SORCS3: variants seen among roughly 807,000 people sequenced by gnomAD.
The protein encoded by SORCS3 is sortilin related VPS10 domain containing receptor 3, also known as VPS10 domain-containing receptor SorCS3.
A neutral mutation model predicts 146.3 loss-of-function variants in SORCS3; 57 were observed. The ratio of observed to expected loss-of-function variants is 0.39; its 90% CI spans 0.31 to 0.49. SORCS3 has a LOEUF of 0.49. Ranked by LOEUF, SORCS3 falls within the 20% of genes least tolerant of loss-of-function variation. The probability of loss-of-function intolerance (pLI) is 0.92; values close to 1 mark genes in which losing one functional copy is unlikely to be tolerated. For missense variants in SORCS3, 1,341 were observed against 1,575.5 expected (o/e 0.85, Z 2.52); for synonymous variants, 653 against 618.5 (o/e 1.06, Z -0.83).
chr10:105,243,381 T>C lies in SORCS3; in HGVS notation c.2869-2161T>C, dbSNP rs573497789. On this transcript the variant is annotated intron_variant, in intron 20 of 26. Coordinates refer to ENST00000369701, the MANE Select transcript of SORCS3 (RefSeq NM_014978.3). ...CAGAGTGAGTTTCAAGTCACTGTTC[T>C]AATTATACTAGAAATGGTGACTCTG... Among the ~76,000 whole-genome samples, 45 of 152,298 alleles carry C rather than the reference T, an allele frequency of 3.0e-4. 1 individual carries two copies. In the South Asian group the frequency reaches 9.3e-3, roughly 32 times the overall value.
Position 104,814,184 on chromosome 10 carries a change from C to G in SORCS3, c.628-28608C>G, listed in dbSNP as rs376921766. ...ACAAGGGGGGAGTTAAATCAGCTTT[C>G]CTTTTTGTGGAAAATGGGGTTCAGT... On this transcript the variant is annotated intron_variant, in intron 1 of 26. Transcript: ENST00000369701. Among the ~76,000 whole-genome samples the G allele has an allele frequency of 3.3e-5, 5 of 152,108 alleles. No homozygotes were observed. The East Asian group carries it at 9.6e-4, about 29-fold the overall frequency.
chr10:104,681,316 G>A (rs2015971516), intron 1 of SORCS3, among the ~76,000 whole-genome samples: 1 of 74,526 alleles, frequency 1.3e-5, no homozygotes, highest in South Asian at 6.5e-4. Context: ...TTCCCGGGCC[G>A]ACTCCGTCAT....
At chr10:105,134,270 T>C (rs536772406) in intron 7 of SORCS3, among the ~76,000 whole-genome samples, 3 of 152,172 alleles carry the variant, frequency 2.0e-5, no homozygotes, top group Non-Finnish European at 4.4e-5. Context: ...GTAATTTTCA[T>C]AAAGGCTATG....
intron 5 of SORCS3, among the ~76,000 whole-genome samples, chr10:105,068,803 A>T (rs188962767): frequency 4.7e-4 from 72 of 152,330 alleles, no homozygotes; most frequent in African/African-American, 1.6e-3. Flanking sequence ...TTGCATTCCT[A>T]AATGAATAGA....
intron 1 of SORCS3, among the ~76,000 whole-genome samples, chr10:104,716,488 T>C (rs2133441981): frequency 6.6e-6 from 1 of 151,332 alleles, no homozygotes; most frequent in South Asian, 2.1e-4. Context: ...CTGATGCCAA[T>C]GCTCACACTA....
intron 1 of SORCS3, among the ~76,000 whole-genome samples, chr10:104,817,578 TC>T (rs1257567065): frequency 4.1e-4 from 3 of 7,290 alleles, no homozygotes; most frequent in East Asian, 0.011. Context: ...CCTTCTCCCC[TC>T]CCCCCTCCCC....
At chr10:105,118,585 G>A (rs568811785) in intron 7 of SORCS3, among the ~76,000 whole-genome samples, 13 of 152,132 alleles carry the variant, frequency 8.5e-5, no homozygotes, top group South Asian at 2.1e-4. Flanking sequence ...GAAAGAAGAC[G>A]TGGAAAAGTT....
At chr10:104,894,178 G>A (rs984583287) in intron 2 of SORCS3, among the ~76,000 whole-genome samples, 3 of 152,068 alleles carry the variant, frequency 2.0e-5, no homozygotes, top group African/African-American at 7.2e-5. Flanking sequence ...ACATGTAACT[G>A]TCAAATCATG....
intron 1 of SORCS3, among the ~76,000 whole-genome samples, chr10:104,721,167 A>C (rs1308452255): frequency 6.6e-6 from 1 of 152,194 alleles, no homozygotes; most frequent in Non-Finnish European, 1.5e-5. Flanking sequence ...GGTGTAAGGA[A>C]GGGATCCAGT....
intron 7 of SORCS3, among the ~76,000 whole-genome samples, chr10:105,128,070 G>T (rs1313521506): frequency 6.6e-6 from 1 of 152,172 alleles, no homozygotes; most frequent in Non-Finnish European, 1.5e-5. Context: ...ATGCATGTCA[G>T]TTAAATTATC....
intron 2 of SORCS3, among the ~76,000 whole-genome samples, chr10:104,894,043 T>TG (rs2018775134): frequency 6.6e-6 from 1 of 152,194 alleles, no homozygotes; most frequent in African/African-American, 2.4e-5. Context: ...ACAGACCTTT[T>TG]GGGGGCTTGT....
chr10:104,893,308 G>A (rs964733717), intron 2 of SORCS3, among the ~76,000 whole-genome samples: 3 of 152,198 alleles, frequency 2.0e-5, no homozygotes, highest in Admixed American at 2.0e-4. Flanking sequence ...ACTCAGCAGG[G>A]ACTTGTGGAA....
chr10:105,239,973 A>G (rs2056813561), intron 20 of SORCS3, among the ~76,000 whole-genome samples: 1 of 152,226 alleles, frequency 6.6e-6, no homozygotes, highest in Non-Finnish European at 1.5e-5. Flanking sequence ...CCATTTTCCC[A>G]GCACAAGAGT....
At chr10:105,226,616 C>G (rs1039557509) in intron 20 of SORCS3, among the ~76,000 whole-genome samples, 3 of 151,808 alleles carry the variant, frequency 2.0e-5, no homozygotes, top group African/African-American at 7.2e-5. Context: ...TTTTGGAATA[C>G]TTTGTGAAGA....
intron 16 of SORCS3, among the ~76,000 whole-genome samples, chr10:105,205,123 A>G (rs1212672295): frequency 6.6e-6 from 1 of 152,156 alleles, no homozygotes; most frequent in Non-Finnish European, 1.5e-5. Flanking sequence ...TGATCTAGGA[A>G]AAGTTCAAGC....
At position 105,247,212 on chromosome 10, in the gene SORCS3, C is replaced by G. The variant is rs372160865; in HGVS notation, c.2993-7C>G. 19 of 1,521,740 alleles carry G rather than the reference C, an allele frequency of 1.2e-5. No individual in the cohort carries two copies. The African/African-American group carries it at 1.6e-4, about 13-fold the overall frequency. 94.3% of individuals were successfully genotyped at this position (1,521,740 alleles called of 1,614,324 possible). On this transcript the variant is annotated splice_polypyrimidine_tract_variant and splice_region_variant and intron_variant, in intron 21 of 26. Coordinates refer to ENST00000369701, the MANE Select transcript of SORCS3 (RefSeq NM_014978.3). ...CAGCCTCACTTAAACATTCTCTCTC[C>G]CTGCAGAATATTTCCAGTCCCAGCT...
intron 7 of SORCS3, among the ~76,000 whole-genome samples, 160 bp downstream of exon 7, chr10:105,105,675 C>T (rs772634244): frequency 6.6e-6 from 1 of 152,166 alleles, no homozygotes; most frequent in Non-Finnish European, 1.5e-5. Flanking sequence ...AGAGCCCAGA[C>T]TTCTACTGGT....
chr10:105,216,531 G>T (rs2119654243), intron 18 of SORCS3, among the ~76,000 whole-genome samples: 1 of 152,206 alleles, frequency 6.6e-6, no homozygotes, highest in Non-Finnish European at 1.5e-5. Context: ...TGAGGAGACT[G>T]CTTGCTTGGC....
At chr10:105,148,705 C>T (rs1455019783) in intron 9 of SORCS3, among the ~76,000 whole-genome samples, 1 of 152,026 alleles carries the variant, frequency 6.6e-6, no homozygotes, top group African/African-American at 2.4e-5. Context: ...GAGCTGTTCC[C>T]TTGTGGGTTT....
Sources: allele counts gnomAD v4.1 joint callset (sites outside exome capture counted in the v4.1 genomes callset), GRCh38; gene constraint gnomAD v4.1.1; transcripts MANE v1.5; gene names NCBI Gene and HGNC (gene_info 2026-07-23, HGNC 2026-07-21).